PFKFB3: variants seen among roughly 807,000 people sequenced by gnomAD.
PFKFB3 encodes the protein 6-phosphofructo-2-kinase/fructose-2,6-bisphosphatase 3.
In PFKFB3, 33 loss-of-function variants were observed where a neutral mutation model predicts 68.0. That is an observed-to-expected ratio of 0.49 (90% confidence interval 0.37 to 0.65). The LOEUF is 0.65. Among genes scored for constraint, PFKFB3 ranks in the 30% least tolerant of loss-of-function variants. PFKFB3 has a pLI of 0.00. For synonymous variants in PFKFB3, 315 were observed against 288.2 expected (o/e 1.09, Z -0.94); for missense variants, 586 against 712.2 (o/e 0.82, Z 2.02).
chr10:6,183,697 T>A (rs1156585348), intron 1 of PFKFB3, among the ~76,000 whole-genome samples: 1 of 150,646 alleles, frequency 6.6e-6, no homozygotes, highest in Non-Finnish European at 1.5e-5. Flanking sequence ...TTTTTTAATT[T>A]TTTTTTTTGA....
chr10:6,274,450 G>A, the PFKFB3 span, among the ~76,000 whole-genome samples: 1 of 152,180 alleles, frequency 6.6e-6, no homozygotes, highest in Non-Finnish European at 1.5e-5. Context: ...AAACATTTAC[G>A]ATGTAGAAAT....
At chr10:6,186,573 A>G (rs775674766) in intron 1 of PFKFB3, among the ~76,000 whole-genome samples, 1 of 152,234 alleles carries the variant, frequency 6.6e-6, no homozygotes, top group African/African-American at 2.4e-5. Context: ...CATTTCAAGA[A>G]TGGCACTGTG....
chr10:6,166,821 C>CTTTTTTTTTTTTTTTTTT (rs144747290), intron 1 of PFKFB3, among the ~76,000 whole-genome samples: 3 of 95,274 alleles, frequency 3.1e-5, no homozygotes, highest in Non-Finnish European at 4.3e-5. Flanking sequence ...CCTTCTTCTT[C>CTTTTTTTTTTTTTTTTTT]TTTTTTTTTT....
Position 6,154,817 on chromosome 10 carries a change from G to A in PFKFB3, c.16+9804G>A, listed in dbSNP as rs1441272129. Among the ~76,000 whole-genome samples, 4 of 152,210 alleles carry A rather than the reference G, an allele frequency of 2.6e-5. No individual in the cohort carries two copies. Among genetic ancestry groups the A allele is most frequent in the Admixed American group, 2.6e-4 (4 of 15,288 alleles). On this transcript the variant is annotated intron_variant, in intron 1 of 14. Coordinates refer to the PFKFB3 transcript ENST00000379789. This position sits in a 1 kb window ranked among gnomAD's most constrained non-coding sequence, Gnocchi z 4.6. ...TGCCTTCTGTCTGATCTGGGGAGAC[G>A]CTGGGAGCCAGGTGGCCGAGGCGGT...
intron 1 of PFKFB3, among the ~76,000 whole-genome samples, chr10:6,148,477 T>C (rs1326517315): frequency 3.3e-5 from 5 of 152,180 alleles, no homozygotes; most frequent in Admixed American, 3.3e-4. Context: ...ACAGTGGCAG[T>C]CCTGGCCCAG....
chr10:6,306,743 G>A, the PFKFB3 span, among the ~76,000 whole-genome samples: 1 of 152,186 alleles, frequency 6.6e-6, no homozygotes, highest in South Asian at 2.1e-4. Context: ...CTGCAAAGGA[G>A]AGCAGGTCTC....
At chr10:6,198,945 C>A (rs1166012305), upstream of PFKFB3, among the ~76,000 whole-genome samples, 1 of 152,208 alleles carries the variant, frequency 6.6e-6, no homozygotes, top group Non-Finnish European at 1.5e-5. Flanking sequence ...CATCTATGTG[C>A]ATGTTATGAA....
At chr10:6,301,937 G>A in the PFKFB3 span, among the ~76,000 whole-genome samples, 1 of 152,164 alleles carries the variant, frequency 6.6e-6, no homozygotes, top group Non-Finnish European at 1.5e-5. Context: ...CCACCACACA[G>A]GTTAGTGACT....
chr10:6,146,531 TG>T lies in PFKFB3; in HGVS notation c.16+1520del, dbSNP rs753934343. ...GGCCACCTTGACTCTGTGGGTTCTCTGGAGGCTCTCAGAGTGTCCCTCCCCC... is the reference window on the plus strand; with the variant it reads ...GGCCACCTTGACTCTGTGGGTTCTCTGAGGCTCTCAGAGTGTCCCTCCCCC... On this transcript the variant is annotated intron_variant, in intron 1 of 14. Transcript: ENST00000379789. The T allele has an allele frequency of 5.2e-6, 8 of 1,526,104 alleles. No individual in the cohort carries two copies. In the South Asian group the frequency reaches 7.2e-5, roughly 14 times the overall value. The allele number at this position is 1,526,104 out of a possible 1,614,324, so 94.5% of individuals were successfully genotyped here.
intron 14 of PFKFB3, among the ~76,000 whole-genome samples, chr10:6,247,111 T>C (rs1846279137): frequency 6.6e-6 from 1 of 152,186 alleles, no homozygotes; most frequent in East Asian, 1.9e-4. Context: ...GCAAGATGTC[T>C]AAACGGCTGT....
At chr10:6,310,285 G>T in the PFKFB3 span, among the ~76,000 whole-genome samples, 1 of 152,136 alleles carries the variant, frequency 6.6e-6, no homozygotes, top group East Asian at 1.9e-4. Flanking sequence ...ACTAGGTCTC[G>T]TTGGGATTTT....
chr10:6,215,847 G>A lies in PFKFB3; in HGVS notation c.300-278G>A, dbSNP rs572231205. Among the ~76,000 whole-genome samples, 4 of 152,292 alleles carry A rather than the reference G, an allele frequency of 2.6e-5. No homozygotes were observed. The highest frequency in any genetic ancestry group is 4.4e-5 in the Non-Finnish European group (3 of 68,014). On this transcript the variant is annotated intron_variant, in intron 3 of 14. Transcript: ENST00000379775. The surrounding 1 kb of genome is among the most constrained non-coding windows in gnomAD (Gnocchi z 4.3). Reference sequence around the variant, plus strand: ...CCAGACCAGTTAGTGCAACTCTGTGGGTGGCTCTGGGCAGCCATTTCTTAG... The same window carrying A: ...CCAGACCAGTTAGTGCAACTCTGTGAGTGGCTCTGGGCAGCCATTTCTTAG...
intron 1 of PFKFB3, among the ~76,000 whole-genome samples, chr10:6,169,131 G>A (rs1197107567): frequency 3.3e-5 from 5 of 152,104 alleles, no homozygotes; most frequent in African/African-American, 1.2e-4. Flanking sequence ...TAGTAGAGAC[G>A]GGGTCTTGCC....
the PFKFB3 span, among the ~76,000 whole-genome samples, chr10:6,295,761 A>G: frequency 6.6e-6 from 1 of 152,196 alleles, no homozygotes; most frequent in South Asian, 2.1e-4. Context: ...TAAAGAGAAC[A>G]GAGAGCTCTG....
chr10:6,153,265 T>C (rs938090641), intron 1 of PFKFB3, among the ~76,000 whole-genome samples: 1 of 152,190 alleles, frequency 6.6e-6, no homozygotes, highest in Admixed American at 6.5e-5. Flanking sequence ...GTCCTGCGGG[T>C]GCCTACCCTC....
rs766735374 is a variant in PFKFB3 at position 6,220,711 on chromosome 10, G to A, written c.677G>A (p.Arg226Gln). 68 of 1,613,984 alleles carry A rather than the reference G, an allele frequency of 4.2e-5. No homozygotes were observed. Among genetic ancestry groups the A allele is most frequent in the Non-Finnish European group, 5.3e-5 (63 of 1,180,030 alleles). ...IDVGRRFLVN[R>Q]VQDHIQSRIV... The stretch of plus-strand genomic sequence containing the variant: ...GTGGGCCGGAGGTTCCTGGTGAACC[G>A]GGTGCAGGACCACATCCAGAGCCGC... Residue 226 changes from arginine (R) to glutamine (Q), a missense_variant, in exon 8 of 15, where the codon CGG (arginine) becomes CAG (glutamine). Coordinates refer to ENST00000379775, the MANE Select transcript of PFKFB3 (RefSeq NM_004566.4). The surrounding 1 kb of genome is among the most constrained non-coding windows in gnomAD (Gnocchi z 4.1).
the PFKFB3 span, among the ~76,000 whole-genome samples, chr10:6,275,940 C>T: frequency 6.6e-6 from 1 of 152,136 alleles, no homozygotes; most frequent in Non-Finnish European, 1.5e-5. The surrounding 1 kb of genome is among the most constrained non-coding windows in gnomAD (Gnocchi z 4.9). Context: ...CGGAGACAGG[C>T]TTTCTTCATG....
the PFKFB3 span, among the ~76,000 whole-genome samples, chr10:6,316,682 T>C: frequency 6.6e-6 from 1 of 152,156 alleles, no homozygotes; most frequent in African/African-American, 2.4e-5. Flanking sequence ...TTCGCCATGT[T>C]GGCCAGGCTG....
rs140746472 is a variant in PFKFB3 at position 6,229,504 on chromosome 10, G to A, written c.1515+3139G>A. Among the ~76,000 whole-genome samples the A allele has an allele frequency of 7.9e-5, 12 of 152,262 alleles. No homozygotes were observed. Among genetic ancestry groups the A allele is most frequent in the South Asian group, 2.1e-4 (1 of 4,814 alleles). ...AGGCATGGGCAGCTGTTGGACCCTC[G>A]TGTACCCCCACAGCCACCCCCTTGC... On this transcript the variant is annotated intron_variant, in intron 14 of 14. Transcript: ENST00000379775. This position sits in a 1 kb window ranked among gnomAD's most constrained non-coding sequence, Gnocchi z 4.3.
Sources: gnomAD v4.1 joint callset for allele counts (sites outside exome capture counted in the v4.1 genomes callset) on GRCh38, gnomAD v4.1.1 for gene constraint, Gnocchi (gnomAD v3.1) non-coding constraint, MANE v1.5 for transcripts, NCBI Gene and HGNC (gene_info 2026-07-23, HGNC 2026-07-21) for gene names.